The following UBE2E2 variants were observed in gnomAD, a reference collection of about 807,000 sequenced individuals.
The protein encoded by UBE2E2 is ubiquitin conjugating enzyme E2 E2.
A neutral mutation model predicts 24.7 loss-of-function variants in UBE2E2; 6 were observed. The observed-to-expected ratio is 0.24, with a 90% confidence interval of 0.13 to 0.48. The LOEUF (loss-of-function observed/expected upper bound fraction) is 0.48, where lower values mean the gene tolerates loss of function less well. Among genes scored for constraint, UBE2E2 ranks in the 20% least tolerant of loss-of-function variants. The pLI, the probability that UBE2E2 is intolerant of heterozygous loss-of-function variation, is 0.99. For missense variants in UBE2E2, 169 were observed against 245.0 expected (o/e 0.69, Z 2.07); for synonymous variants, 104 against 83.6 (o/e 1.24, Z -1.33).
intron 3 of UBE2E2, among the ~76,000 whole-genome samples, chr3:23,463,238 G>T (rs1473227966): frequency 6.6e-6 from 1 of 151,902 alleles, no homozygotes; most frequent in East Asian, 1.9e-4. Context: ...GAAAAAAAAA[G>T]ATGATAACTA....
intron 5 of UBE2E2, among the ~76,000 whole-genome samples, chr3:23,571,922 G>A (rs1459988503): frequency 6.6e-6 from 1 of 152,104 alleles, no homozygotes; most frequent in Non-Finnish European, 1.5e-5. Flanking sequence ...TCCCACAAAC[G>A]TCCTTTCTCT....
intron 3 of UBE2E2, among the ~76,000 whole-genome samples, chr3:23,332,461 T>C (rs1289977128): frequency 1.3e-5 from 2 of 152,166 alleles, no homozygotes; most frequent in East Asian, 1.9e-4. Context: ...AATGCATACA[T>C]GGCAATTATT....
At chr3:23,252,478 A>G (rs1179895852) in intron 3 of UBE2E2, among the ~76,000 whole-genome samples, 1 of 152,186 alleles carries the variant, frequency 6.6e-6, no homozygotes, top group African/African-American at 2.4e-5. Context: ...CAGTAAAACA[A>G]AACAAGATTA....
At chr3:23,574,159 G>A (rs1258642985) in intron 5 of UBE2E2, among the ~76,000 whole-genome samples, 1 of 152,090 alleles carries the variant, frequency 6.6e-6, no homozygotes, top group Non-Finnish European at 1.5e-5. Context: ...TTATTTGTGA[G>A]CGCTAAAAAT....
intron 3 of UBE2E2, among the ~76,000 whole-genome samples, chr3:23,442,203 G>A (rs6767599): frequency 0.6 from 90,875 of 151,902 alleles, 28,022 homozygotes; most frequent in East Asian, 0.74. Context: ...TCAGGGTGAA[G>A]ATCAGGCAGA....
At chr3:23,264,034 G>T (rs2125356305) in intron 3 of UBE2E2, among the ~76,000 whole-genome samples, 1 of 152,228 alleles carries the variant, frequency 6.6e-6, no homozygotes, top group Non-Finnish European at 1.5e-5. Flanking sequence ...TATGAGTCGG[G>T]TACATGATCT....
At chr3:23,403,139 A>G (rs1468715758) in intron 3 of UBE2E2, among the ~76,000 whole-genome samples, 6 of 152,220 alleles carry the variant, frequency 3.9e-5, no homozygotes, top group African/African-American at 1.4e-4. Context: ...GTGAAATTGA[A>G]ATTATTTGAC....
intron 3 of UBE2E2, among the ~76,000 whole-genome samples, chr3:23,263,103 T>C (rs537626978): frequency 2.5e-4 from 38 of 152,196 alleles, no homozygotes; most frequent in Non-Finnish European, 5.1e-4. Flanking sequence ...AGGTGTGTTC[T>C]TAGCTGAGAT....
chr3:23,446,454 A>C (rs1698431700), intron 3 of UBE2E2, among the ~76,000 whole-genome samples: 1 of 152,180 alleles, frequency 6.6e-6, no homozygotes, highest in Non-Finnish European at 1.5e-5. Flanking sequence ...GAATGTGAAG[A>C]TATCCCGGCT....
chr3:23,437,707 C>G (rs1272937421), intron 3 of UBE2E2, among the ~76,000 whole-genome samples: 1 of 152,198 alleles, frequency 6.6e-6, no homozygotes, highest in Non-Finnish European at 1.5e-5. Flanking sequence ...ATGTTTCCGT[C>G]AGACAGGCAC....
At position 23,215,020 on chromosome 3, in the gene UBE2E2, T is replaced by C. The variant is rs141110100; in HGVS notation, c.177-2242T>C. On this transcript the variant is annotated intron_variant, in intron 2 of 5. Coordinates refer to ENST00000396703, the MANE Select transcript of UBE2E2 (RefSeq NM_152653.4). Reference sequence around the variant, plus strand: ...AGTTTGCTTACCTATTCTTCCTTTCTTTTCCTTCCTCCCAGTTAATGATAG... The same window carrying C: ...AGTTTGCTTACCTATTCTTCCTTTCCTTTCCTTCCTCCCAGTTAATGATAG... Among the ~76,000 whole-genome samples the C allele has an allele frequency of 2.0e-5, 3 of 152,260 alleles. No homozygotes were observed. The East Asian group carries it at 5.8e-4, about 29-fold the overall frequency.
chr3:23,306,833 A>G (rs1333666952), intron 3 of UBE2E2, among the ~76,000 whole-genome samples: 2 of 152,192 alleles, frequency 1.3e-5, no homozygotes, highest in Non-Finnish European at 2.9e-5. Context: ...TTATTTGACT[A>G]TTATTTATAA....
rs1352707772 is a variant in UBE2E2, at chr3:23,407,481, A to G, written c.228-92127A>G. On this transcript the variant is annotated intron_variant, in intron 3 of 5. Coordinates refer to ENST00000396703, the MANE Select transcript of UBE2E2 (RefSeq NM_152653.4). The surrounding 1 kb of genome is among the most constrained non-coding windows in gnomAD (Gnocchi z 4.0). ...TTCTGAAAATGTTCAAACATACACA[A>G]ATGTAAAGAATTGATCCCCTGCTCC... 6.6e-6 allele frequency among the ~76,000 whole-genome samples: 1 copy of G among 152,120 alleles called. No homozygotes were observed. The highest frequency in any genetic ancestry group is 1.5e-5 in the Non-Finnish European group (1 of 68,012).
At chr3:23,346,507 C>T (rs945753040) in intron 3 of UBE2E2, among the ~76,000 whole-genome samples, 17 of 152,048 alleles carry the variant, frequency 1.1e-4, no homozygotes, top group South Asian at 6.2e-4. Flanking sequence ...CTGTTTTGAC[C>T]GATATTGGTG....
At chr3:23,515,395 C>T (rs1274920634) in intron 4 of UBE2E2, among the ~76,000 whole-genome samples, 1 of 151,958 alleles carries the variant, frequency 6.6e-6, no homozygotes, top group African/African-American at 2.4e-5. Context: ...GGAAGGCTTT[C>T]TCAAGGAAGT....
chr3:23,485,091 CTTT>C lies in UBE2E2; in HGVS notation c.228-14498_228-14496del, dbSNP rs71620781. 2.6e-3 allele frequency among the ~76,000 whole-genome samples: 282 copies of C among 107,702 alleles called. 1 individual carries two copies. Among genetic ancestry groups the C allele is most frequent in the African/African-American group, 3.4e-3 (77 of 22,726 alleles). The allele number at this position is 107,702 out of a possible 152,430, so 70.7% of individuals were successfully genotyped here. A position where few individuals can be genotyped will look rare whatever the true frequency, so the allele number is the denominator to read the frequency against. On this transcript the variant is annotated intron_variant, in intron 3 of 5. Transcript: ENST00000396703. ...TTTAAGTGAGTCCACTTAACACTAC[CTTT>C]TTTTTTTTTTTTTTTTTTGAGATGG...
At chr3:23,351,771 A>G (rs905939514) in intron 3 of UBE2E2, among the ~76,000 whole-genome samples, 18 of 152,192 alleles carry the variant, frequency 1.2e-4, no homozygotes, top group Non-Finnish European at 2.5e-4. Flanking sequence ...TTAGACTCCC[A>G]CACAATAATA....
At position 23,474,780 on chromosome 3, in the gene UBE2E2, T is replaced by C. The variant is rs536406356; in HGVS notation, c.228-24828T>C. ...GTCACAGCAGAAAAGGTGTCAGTGC[T>C]TCTGTCTGTGGTTTAATCCTCCTTC... On this transcript the variant is annotated intron_variant, in intron 3 of 5. Transcript: ENST00000396703. This position sits in a 1 kb window ranked among gnomAD's most constrained non-coding sequence, Gnocchi z 4.0. 1.5e-3 allele frequency among the ~76,000 whole-genome samples: 221 copies of C among 152,206 alleles called. 4 individuals are homozygous for C. Among genetic ancestry groups the C allele is most frequent in the South Asian group, 2.9e-3 (14 of 4,822 alleles).
intron 5 of UBE2E2, among the ~76,000 whole-genome samples, chr3:23,571,061 C>T (rs565888477): frequency 6.6e-6 from 1 of 151,948 alleles, no homozygotes; most frequent in Admixed American, 6.6e-5. Context: ...CCACCATGCA[C>T]ATAGACAATA....
Sources: allele counts gnomAD v4.1 joint callset (sites outside exome capture counted in the v4.1 genomes callset), GRCh38; gene constraint gnomAD v4.1.1; non-coding constraint Gnocchi (gnomAD v3.1); transcripts MANE v1.5; gene names NCBI Gene and HGNC (gene_info 2026-07-23, HGNC 2026-07-21).